The following PCDHA11 variants were observed in gnomAD, a reference collection of about 807,000 sequenced individuals.
PCDHA11 encodes the protein protocadherin alpha 11, also known as protocadherin alpha-11.
PCDHA11 carries 61 observed loss-of-function variants against 70.3 expected under a neutral mutation model. That is an observed-to-expected ratio of 0.87 (90% confidence interval 0.71 to 1.07). The LOEUF is 1.07. PCDHA11 is among the 50% of genes least tolerant of loss of function. PCDHA11 has a pLI of 0.00. For missense variants in PCDHA11, 1,324 were observed against 1,237.5 expected, an observed-to-expected ratio of 1.07 and a Z score of -1.05; for synonymous variants, 633 against 555.1, an observed-to-expected ratio of 1.14 and a Z score of -1.97.
intron 1 of PCDHA11, chr5:140,929,129 C>A (rs1206531954): frequency 6.2e-7 from 1 of 1,614,052 alleles, no homozygotes; most frequent in East Asian, 2.2e-5. Context: ...GATGTCACTA[C>A]AGTTGAGAGA....
intron 1 of PCDHA11, 79 bp from the exon 2 acceptor site, chr5:140,978,870 G>T: frequency 6.2e-7 from 1 of 1,606,988 alleles, no homozygotes; most frequent in Non-Finnish European, 8.5e-7. Context: ...ATTTAAGGGA[G>T]TAACTAATCA....
At position 140,877,685 on chromosome 5, in the gene PCDHA11, C is replaced by T. The variant is rs377753884; in HGVS notation, c.2391+6191C>T. On this transcript the variant is annotated intron_variant, in intron 1 of 3. Transcript: ENST00000398640. Reference sequence around the variant, plus strand: ...AGCCGGTGCGCGCCGGGCAAGCCCACGCTGGTGTGCTCCAGCGCCGTGGGG... The same window carrying T: ...AGCCGGTGCGCGCCGGGCAAGCCCATGCTGGTGTGCTCCAGCGCCGTGGGG... 3.4e-5 allele frequency: 55 copies of T among 1,613,628 alleles called. No homozygotes were observed. Among genetic ancestry groups the T allele is most frequent in the Non-Finnish European group, 4.6e-5 (54 of 1,179,904 alleles).
At chr5:140,982,628 G>A (rs2096992254) in intron 3 of PCDHA11, 65 bp downstream of exon 3, 1 of 1,578,000 alleles carries the variant, frequency 6.3e-7, no homozygotes, top group African/African-American at 1.4e-5. Flanking sequence ...ACCTACTTTT[G>A]TAAGATCAGG....
intron 1 of PCDHA11, among the ~76,000 whole-genome samples, chr5:140,947,178 C>T (rs1356075084): frequency 6.6e-6 from 1 of 151,188 alleles, no homozygotes. Context: ...GGTATATATT[C>T]ATGGTATACT....
chr5:140,881,319 T>C lies in PCDHA11; in HGVS notation c.2391+9825T>C, dbSNP rs183772489. Reference sequence around the variant, plus strand: ...AAACTTTAACCTCCTGGTTAAATTCTATTTAACCAGGACGCCGATTCGGGC... The same window carrying C: ...AAACTTTAACCTCCTGGTTAAATTCCATTTAACCAGGACGCCGATTCGGGC... On this transcript the variant is annotated intron_variant, in intron 1 of 3. Transcript: ENST00000398640. 1.0e-4 allele frequency: 101 copies of C among 979,186 alleles called. No individual in the cohort carries two copies. The African/African-American group carries it at 1.7e-3, about 17-fold the overall frequency. 60.7% of individuals were successfully genotyped at this position (979,186 alleles called of 1,614,324 possible).
In PCDHA11 at chr5:140,871,293, G is replaced by A. The variant is rs1206433527; in HGVS notation, c.2190G>A (p.Ala730=). The stretch of plus-strand genomic sequence containing the variant: ...GGTCGGCAACGCCCACTGAGGGCGC[G>A]TGCGCGCCGGGGAAGCCCACGCTGG... ...LWWSATPTEG[A]CAPGKPTLVC... Residue 730 remains alanine, a synonymous_variant, in exon 1 of 4, where the codon GCG becomes GCA. Transcript: ENST00000398640. 6.2e-7 allele frequency: 1 copy of A among 1,613,794 alleles called. No individual in the cohort carries two copies. The highest frequency in any genetic ancestry group is 8.5e-7 in the Non-Finnish European group (1 of 1,179,944).
At chr5:140,939,766 C>T (rs58911992) in intron 1 of PCDHA11, among the ~76,000 whole-genome samples, 27,055 of 152,058 alleles carry the variant, frequency 0.18, 2,673 homozygotes, top group African/African-American at 0.26. Context: ...TATAGTATTT[C>T]AGGGTGTGAA....
Position 140,886,603 on chromosome 5 carries a change from G to GGATCAGGA in PCDHA11, c.2391+15119_2391+15126dup, listed in dbSNP as rs567691866. On this transcript the variant is annotated intron_variant, in intron 1 of 3. Coordinates refer to ENST00000398640, the MANE Select transcript of PCDHA11 (RefSeq NM_018902.5). ...AGCACTTTGGGAGGCCAAGGTGGGC[G>GGATCAGGA]GATCAGGAGATCAGGAGTCCGAGAC... 2.7e-3 allele frequency among the ~76,000 whole-genome samples: 409 copies of GGATCAGGA among 152,092 alleles called. 3 individuals carry two copies. The highest frequency in any genetic ancestry group is 0.014 in the Middle Eastern group (4 of 294).
In PCDHA11 at chr5:140,923,435, G is replaced by A. The variant is rs186360462; in HGVS notation, c.2391+51941G>A. 5.3e-3 allele frequency among the ~76,000 whole-genome samples: 803 copies of A among 152,184 alleles called. 3 individuals are homozygous for A. Among genetic ancestry groups the A allele is most frequent in the Non-Finnish European group, 8.4e-3 (569 of 67,990 alleles). ...CCTGGCTACTTGGGAGGCTGGGGTG[G>A]GAGGATCACCTGAGCCCAGAGAGGT... On this transcript the variant is annotated intron_variant, in intron 1 of 3. Transcript: ENST00000398640.
At chr5:140,937,981 T>TA (rs1554211927) in intron 1 of PCDHA11, among the ~76,000 whole-genome samples, 2 of 152,254 alleles carry the variant, frequency 1.3e-5, no homozygotes, top group Non-Finnish European at 2.9e-5. Flanking sequence ...ATACTGATTT[T>TA]ATGTTAACTT....
intron 1 of PCDHA11, among the ~76,000 whole-genome samples, chr5:140,945,198 C>T (rs1563212846): frequency 6.6e-6 from 1 of 151,982 alleles, no homozygotes; most frequent in Non-Finnish European, 1.5e-5. Flanking sequence ...ATGCTATTTA[C>T]AATAGCTATG....
intron 3 of PCDHA11, among the ~76,000 whole-genome samples, chr5:140,994,608 G>C (rs1231327885): frequency 1.3e-5 from 2 of 152,098 alleles, no homozygotes; most frequent in Admixed American, 1.3e-4. Context: ...GGGAGGCTGA[G>C]GCACGAGAGT....
At chr5:140,999,592 C>T (rs1443096475) in intron 3 of PCDHA11, among the ~76,000 whole-genome samples, 2 of 152,114 alleles carry the variant, frequency 1.3e-5, no homozygotes, top group Non-Finnish European at 2.9e-5. Flanking sequence ...ATTGCCTTCC[C>T]TACATCCTGG....
intron 1 of PCDHA11, among the ~76,000 whole-genome samples, chr5:140,961,780 C>T (rs1192795559): frequency 6.6e-6 from 1 of 152,052 alleles, no homozygotes; most frequent in African/African-American, 2.4e-5. Flanking sequence ...AGCTTAATGG[C>T]ACTTTTTAAA....
rs191667063 is a variant in PCDHA11 at position 140,957,933 on chromosome 5, T to G, written c.2392-21016T>G. Among the ~76,000 whole-genome samples the G allele has an allele frequency of 2.8e-3, 419 of 152,208 alleles. 2 individuals carry two copies. The highest frequency in any genetic ancestry group is 0.014 in the Middle Eastern group (4 of 294). ...GTTATCTATGTATCAAGCTAAATAA[T>G]TTAAAGATCTTTAAGACTATTAATT... is the stretch of plus-strand genomic sequence containing the variant. On this transcript the variant is annotated intron_variant, in intron 1 of 3. Transcript: ENST00000398640.
In PCDHA11 at chr5:141,011,117, C is replaced by A. The variant is rs1301385116; in HGVS notation, c.*1180C>A. The A allele has an allele frequency of 1.3e-5, 2 of 153,590 alleles. No homozygotes were observed. The highest frequency in any genetic ancestry group is 2.4e-5 in the African/African-American group (1 of 41,402). The allele number at this position is 153,590 out of a possible 1,614,324, so 9.5% of individuals were successfully genotyped here. The stretch of plus-strand genomic sequence containing the variant: ...CTCTCTCTCTCTCTTTTCTAAGAAA[C>A]AATTATGTGCACTTTGATACACAAC... On this transcript the variant is annotated 3_prime_UTR_variant, in exon 4 of 4. Coordinates refer to ENST00000398640, the MANE Select transcript of PCDHA11 (RefSeq NM_018902.5).
At chr5:140,905,627 G>A (rs1233983487) in intron 1 of PCDHA11, among the ~76,000 whole-genome samples, 1 of 152,150 alleles carries the variant, frequency 6.6e-6, no homozygotes, top group African/African-American at 2.4e-5. Context: ...GCTTTTGACA[G>A]TATGGTCAGT....
At chr5:141,003,663 A>G (rs1298864445) in intron 3 of PCDHA11, among the ~76,000 whole-genome samples, 4 of 152,204 alleles carry the variant, frequency 2.6e-5, no homozygotes, top group Non-Finnish European at 5.9e-5. Flanking sequence ...CATTTATTAA[A>G]ATATATGTTG....
chr5:140,908,836 T>C (rs1206116511), intron 1 of PCDHA11, among the ~76,000 whole-genome samples: 4 of 152,200 alleles, frequency 2.6e-5, no homozygotes, highest in African/African-American at 9.7e-5. Flanking sequence ...ATAAATGGGC[T>C]GGAGTAACAT....
Sources: gnomAD v4.1 joint callset for allele counts (sites outside exome capture counted in the v4.1 genomes callset) on GRCh38, gnomAD v4.1.1 for gene constraint, MANE v1.5 for transcripts, NCBI Gene and HGNC (gene_info 2026-07-23, HGNC 2026-07-21) for gene names.